PRTG: variants seen among roughly 807,000 people sequenced by gnomAD.
PRTG encodes the protein protogenin, also known as immunoglobulin superfamily, DCC subclass, member 5.
A neutral mutation model predicts 122.5 loss-of-function variants in PRTG; 67 were observed. The observed-to-expected ratio is 0.55, with a 90% CI of 0.45 to 0.67. The LOEUF is 0.67. PRTG is among the 30% of genes least tolerant of loss of function. PRTG has a pLI of 0.00. For missense variants in PRTG, 1,435 were observed against 1,415.4 expected, an observed-to-expected ratio of 1.01 and a Z score of -0.22; for synonymous variants, 554 against 501.1, an observed-to-expected ratio of 1.11 and a Z score of -1.41.
At chr15:55,732,884 A>C (rs2031284623) in intron 2 of PRTG, among the ~76,000 whole-genome samples, 1 of 152,198 alleles carries the variant, frequency 6.6e-6, no homozygotes, top group African/African-American at 2.4e-5. Context: ...AGTAGGCCAA[A>C]CACATTTTAA....
intron 11 of PRTG, among the ~76,000 whole-genome samples, chr15:55,671,488 T>C (rs569841598): frequency 1.3e-5 from 2 of 152,332 alleles, no homozygotes; most frequent in South Asian, 2.1e-4. Context: ...TATATCCATG[T>C]ATTCTTTTCT....
chr15:55,629,380 T>C (rs1215392660), intron 15 of PRTG, among the ~76,000 whole-genome samples: 1 of 19,492 alleles, frequency 5.1e-5, no homozygotes, highest in African/African-American at 1.6e-4. Flanking sequence ...TATATATGTG[T>C]GTGTGTGTGT....
At position 55,672,498 on chromosome 15, in the gene PRTG, T is replaced by C. The variant is rs1595637229; in HGVS notation, c.1988A>G (p.Asn663Ser). ...LYYKEEGQQE[N>S]GPIFLDTKDL... ...CTTGGTATCCAAGAAAATGGGCCCA[T>C]TCTCCTGCTGCCCTTCTTCCTTGTA... is the stretch of plus-strand genomic sequence containing the variant. Residue 663 changes from asparagine (N) to serine (S), a missense_variant, in exon 11 of 20, where the codon AAT becomes AGT. Asn to Ser is a conservative substitution (Grantham distance 46). Transcript: ENST00000389286. The C allele has an allele frequency of 9.9e-6, 16 of 1,611,522 alleles. No homozygotes were observed. Among genetic ancestry groups the C allele is most frequent in the Non-Finnish European group, 1.4e-5 (16 of 1,177,928 alleles).
intron 3 of PRTG, among the ~76,000 whole-genome samples, chr15:55,683,192 T>C (rs1424710457): frequency 6.6e-6 from 1 of 152,166 alleles, no homozygotes; most frequent in East Asian, 1.9e-4. Context: ...ATGCTTTTTT[T>C]TTTTAAATAA....
intron 15 of PRTG, among the ~76,000 whole-genome samples, chr15:55,629,980 G>A (rs1330420905): frequency 5.4e-5 from 8 of 146,836 alleles, no homozygotes; most frequent in African/African-American, 1.5e-4. Context: ...ACCACACCAG[G>A]TTAATTTTTT....
At chr15:55,640,714 G>A (rs2059284677) in intron 12 of PRTG, among the ~76,000 whole-genome samples, 1 of 151,900 alleles carries the variant, frequency 6.6e-6, no homozygotes, top group Admixed American at 6.6e-5. Context: ...GCACCTATTT[G>A]TTTAAGATAC....
chr15:55,623,359 G>C (rs755914993), intron 18 of PRTG, among the ~76,000 whole-genome samples: 1 of 152,200 alleles, frequency 6.6e-6, no homozygotes, highest in Non-Finnish European at 1.5e-5. Context: ...TCTGAGGTCA[G>C]TAGTTCGAGA....
At chr15:55,695,725 T>C (rs1342544712) in intron 2 of PRTG, among the ~76,000 whole-genome samples, 2 of 152,250 alleles carry the variant, frequency 1.3e-5, no homozygotes, top group Non-Finnish European at 2.9e-5. Flanking sequence ...ATGCCTATAA[T>C]CCCAGCACTT....
At chr15:55,685,610 T>G (rs960556072) in intron 2 of PRTG, among the ~76,000 whole-genome samples, 2 of 152,164 alleles carry the variant, frequency 1.3e-5, no homozygotes, top group Non-Finnish European at 2.9e-5. Context: ...TATGCACAAA[T>G]GTAAAGCAAT....
intron 12 of PRTG, among the ~76,000 whole-genome samples, chr15:55,640,278 A>G (rs1331483963): frequency 1.3e-5 from 2 of 152,226 alleles, no homozygotes; most frequent in Non-Finnish European, 2.9e-5. Flanking sequence ...AAACAGAGAA[A>G]TGGTAACAGG....
At chr15:55,702,366 C>T (rs895472435) in intron 2 of PRTG, among the ~76,000 whole-genome samples, 2 of 152,146 alleles carry the variant, frequency 1.3e-5, no homozygotes, top group Non-Finnish European at 2.9e-5. Context: ...CTGCTCTCAT[C>T]CACAGAATAG....
At chr15:55,738,475 C>A (rs770756946) in intron 2 of PRTG, 4 of 700,812 alleles carry the variant, frequency 5.7e-6, no homozygotes, top group South Asian at 4.5e-5. Flanking sequence ...CCTATCTGGC[C>A]ACCTCCACTA....
intron 2 of PRTG, among the ~76,000 whole-genome samples, chr15:55,699,157 A>C (rs2059648390): frequency 6.6e-6 from 1 of 152,194 alleles, no homozygotes; most frequent in Non-Finnish European, 1.5e-5. Flanking sequence ...TTAAAAAATG[A>C]CCCAACTTGG....
At position 55,673,586 on chromosome 15, in the gene PRTG, C is replaced by T. The variant is rs756455524; in HGVS notation, c.1637G>A (p.Arg546Gln). 33 of 1,614,008 alleles carry T rather than the reference C, an allele frequency of 2.0e-5. No homozygotes were observed. Among genetic ancestry groups the T allele is most frequent in the Non-Finnish European group, 2.6e-5 (31 of 1,180,022 alleles). ...CAAGCGATACAGCACCACTTGGCCC[C>T]GCCGATATTTGGCTGGGATTGGCAG... ...SWLPIPAKYR[R>Q]GQVVLYRLSF... is the part of the protein sequence containing the mutation. Residue 546 changes from arginine (R) to glutamine (Q), a missense_variant, in exon 10 of 20, where the codon CGG becomes CAG. Transcript: ENST00000389286.
chr15:55,706,570 C>T (rs900641305), intron 2 of PRTG, among the ~76,000 whole-genome samples: 4 of 119,934 alleles, frequency 3.3e-5, no homozygotes. Flanking sequence ...CAGAGTGAGA[C>T]CTTGTCTCTA....
chr15:55,634,131 T>C (rs1438654871), intron 15 of PRTG, among the ~76,000 whole-genome samples: 1 of 147,374 alleles, frequency 6.8e-6, no homozygotes, highest in Non-Finnish European at 1.5e-5. Context: ...GCAATGGCAT[T>C]ATCTCGGTTC....
rs1354935224 is a variant in PRTG, at chr15:55,673,621, G to C, written c.1602C>G (p.Leu534=). The C allele has an allele frequency of 1.9e-6, 3 of 1,614,054 alleles. No homozygotes were observed. The highest frequency in any genetic ancestry group is 2.5e-6 in the Non-Finnish European group (3 of 1,180,004). The part of the protein sequence containing the change: ...SLTSRSPTDI[L]ISWLPIPAKY... ...TGGCTGGGATTGGCAGCCAGGAGAT[G>C]AGAATATCAGTGGGACTTCGACTTG... Residue 534 remains leucine (L), a synonymous_variant, in exon 10 of 20, where the codon CTC becomes CTG. Transcript: ENST00000389286.
chr15:55,696,958 A>G (rs1384573277), intron 2 of PRTG, among the ~76,000 whole-genome samples: 1 of 152,252 alleles, frequency 6.6e-6, no homozygotes, highest in African/African-American at 2.4e-5. Flanking sequence ...TGTGCCCTAC[A>G]TGCAAAGTTT....
chr15:55,627,492 G>GTTTTTTTT (rs35022592), intron 16 of PRTG, among the ~76,000 whole-genome samples: 55 of 104,754 alleles, frequency 5.3e-4, no homozygotes, highest in East Asian at 9.7e-4. Flanking sequence ...GCCCAGCTAA[G>GTTTTTTTT]TTTTTTTTTT....
Sources: allele counts gnomAD v4.1 joint callset (sites outside exome capture counted in the v4.1 genomes callset), GRCh38; gene constraint gnomAD v4.1.1; transcripts MANE v1.5; gene names NCBI Gene and HGNC (gene_info 2026-07-23, HGNC 2026-07-21).